The following NRXN3 variants were observed in gnomAD, a reference collection of about 807,000 sequenced individuals.
NRXN3 encodes neurexin 3, also known as neurexin III.
In NRXN3, 32 loss-of-function variants were observed where a neutral mutation model predicts 137.6. That is an observed-to-expected ratio of 0.23 (90% CI 0.18 to 0.31). NRXN3 has a LOEUF of 0.31. Among genes scored for constraint, NRXN3 ranks in the 10% least tolerant of loss-of-function variants. The pLI, the probability that NRXN3 is intolerant of heterozygous loss-of-function variation, is 1.00. For synonymous variants in NRXN3, 798 were observed against 784.5 expected (o/e 1.02, Z -0.29); for missense variants, 1,574 against 2,062.5 (o/e 0.76, Z 4.59).
chr14:79,771,508 G>C (rs1439661824), intron 19 of NRXN3, among the ~76,000 whole-genome samples: 7,924 of 88,086 alleles, frequency 0.09, no homozygotes, highest in Non-Finnish European at 0.098. Context: ...CATATAAACA[G>C]AACCAAAGAC....
intron 4 of NRXN3, among the ~76,000 whole-genome samples, chr14:78,310,046 A>G (rs2077788845): frequency 6.6e-6 from 1 of 152,130 alleles, no homozygotes; most frequent in African/African-American, 2.4e-5. Flanking sequence ...GTATTACCTG[A>G]GTACTTAAAC....
intron 4 of NRXN3, among the ~76,000 whole-genome samples, chr14:78,426,225 T>C (rs535030672): frequency 6.6e-6 from 1 of 152,262 alleles, no homozygotes; most frequent in Admixed American, 6.5e-5. Context: ...GGGTATAGGG[T>C]CCCTTACAGG....
chr14:79,121,990 T>C (rs1194939789), intron 15 of NRXN3, among the ~76,000 whole-genome samples: 1 of 152,218 alleles, frequency 6.6e-6, no homozygotes. Context: ...CCACAAACTT[T>C]GTGCCTTATA....
intron 4 of NRXN3, among the ~76,000 whole-genome samples, chr14:78,333,629 G>A (rs1025162981): frequency 2.0e-5 from 3 of 152,128 alleles, no homozygotes; most frequent in Admixed American, 6.5e-5. Flanking sequence ...CAGTTAGAGA[G>A]ACCTCACTGA....
intron 15 of NRXN3, among the ~76,000 whole-genome samples, chr14:79,417,735 A>T (rs576062676): frequency 8.5e-5 from 13 of 152,270 alleles, no homozygotes; most frequent in Admixed American, 5.2e-4. Context: ...AGAGACATAC[A>T]GTATTTCATT....
At chr14:79,395,547 G>T (rs576584388) in intron 15 of NRXN3, among the ~76,000 whole-genome samples, 1 of 151,140 alleles carries the variant, frequency 6.6e-6, no homozygotes. Flanking sequence ...GGTGGCTCAC[G>T]CCTGTAATCC....
chr14:78,493,885 A>G (rs2095715672), intron 4 of NRXN3, among the ~76,000 whole-genome samples: 2 of 152,212 alleles, frequency 1.3e-5, no homozygotes, highest in Admixed American at 1.3e-4. Context: ...TTGTCCCAGC[A>G]TTTAAAAACA....
intron 4 of NRXN3, among the ~76,000 whole-genome samples, chr14:78,615,474 G>T (rs965927479): frequency 3.3e-5 from 5 of 151,642 alleles, no homozygotes; most frequent in Admixed American, 2.6e-4. Context: ...AGTCTGTTGT[G>T]GTGGCGGGTG....
At chr14:79,308,387 C>T (rs891923356) in intron 15 of NRXN3, among the ~76,000 whole-genome samples, 3 of 152,130 alleles carry the variant, frequency 2.0e-5, no homozygotes, top group South Asian at 2.1e-4. Context: ...TCTGATTGCT[C>T]GTTACACTTG....
chr14:78,652,044 T>C (rs1445228185), intron 6 of NRXN3, among the ~76,000 whole-genome samples: 1 of 152,228 alleles, frequency 6.6e-6, no homozygotes, highest in Admixed American at 6.5e-5. Context: ...AGTGCAAAGT[T>C]TGATTTTGTG....
chr14:79,242,936 C>A (rs528664816), intron 15 of NRXN3, among the ~76,000 whole-genome samples: 12 of 152,236 alleles, frequency 7.9e-5, no homozygotes, highest in African/African-American at 2.9e-4. Context: ...CATACAGGAC[C>A]TTAAGAACTC....
chr14:79,825,831 A>G (rs977955269), intron 20 of NRXN3, among the ~76,000 whole-genome samples: 3 of 152,198 alleles, frequency 2.0e-5, no homozygotes, highest in Non-Finnish European at 4.4e-5. Flanking sequence ...AGCATCAGTT[A>G]GTAAGTTTCA....
chr14:78,685,709 C>G (rs1199092961), intron 6 of NRXN3, among the ~76,000 whole-genome samples: 3 of 149,784 alleles, frequency 2.0e-5, no homozygotes, highest in East Asian at 2.0e-4. Flanking sequence ...CTCAGCCCAC[C>G]ACAACCTCCA....
At chr14:79,842,879 A>G (rs1239089299) in intron 20 of NRXN3, among the ~76,000 whole-genome samples, 2 of 151,852 alleles carry the variant, frequency 1.3e-5, no homozygotes, top group East Asian at 1.9e-4. Context: ...TCTCACCTAC[A>G]TGTCATTTCC....
intron 19 of NRXN3, among the ~76,000 whole-genome samples, chr14:79,788,344 C>A (rs1280101219): frequency 6.6e-6 from 1 of 152,188 alleles, no homozygotes; most frequent in South Asian, 2.1e-4. Context: ...TTACCCAATT[C>A]TGTTGAAATA....
chr14:79,795,140 A>G (rs2099157344), intron 19 of NRXN3, among the ~76,000 whole-genome samples: 1 of 152,194 alleles, frequency 6.6e-6, no homozygotes, highest in Non-Finnish European at 1.5e-5. Flanking sequence ...TGGAACGGGG[A>G]AAATTATTAG....
intron 8 of NRXN3, among the ~76,000 whole-genome samples, chr14:78,779,235 A>G (rs2098759733): frequency 6.6e-6 from 1 of 152,080 alleles, no homozygotes; most frequent in Admixed American, 6.6e-5. Flanking sequence ...CAGATAATAA[A>G]TTTAATATAA....
intron 3 of NRXN3, 127 bp from the exon 4 acceptor site, chr14:78,297,704 C>T (rs58752879): frequency 0.021 from 15,102 of 735,802 alleles, 280 homozygotes; most frequent in African/African-American, 0.07. Flanking sequence ...GCGTGCGGCC[C>T]CTGTCACTCC....
intron 16 of NRXN3, among the ~76,000 whole-genome samples, chr14:79,663,264 G>A (rs1040824146): frequency 4.0e-5 from 6 of 151,390 alleles, no homozygotes; most frequent in East Asian, 2.0e-4. Flanking sequence ...GTGTGTGTGT[G>A]TATATTTATA....
Sources: allele counts gnomAD v4.1 joint callset (sites outside exome capture counted in the v4.1 genomes callset), GRCh38; gene constraint gnomAD v4.1.1; transcripts MANE v1.5; gene names NCBI Gene and HGNC (gene_info 2026-07-23, HGNC 2026-07-21).